ACTN2: variants seen among roughly 807,000 people sequenced by gnomAD.
ACTN2 encodes the protein actinin alpha 2, also known as alpha-actinin-2.
A neutral mutation model predicts 113.8 loss-of-function variants in ACTN2; 39 were observed. The observed-to-expected ratio is 0.34, with a 90% CI of 0.27 to 0.45. ACTN2 has a LOEUF of 0.45. Among genes scored for constraint, ACTN2 ranks in the 20% least tolerant of loss-of-function variants. ACTN2 has a pLI of 1.00. For synonymous variants in ACTN2, 429 were observed against 444.1 expected, an observed-to-expected ratio of 0.97 and a Z score of 0.43; for missense variants, 992 against 1,177.9, an observed-to-expected ratio of 0.84 and a Z score of 2.31.
At chr1:236,687,209 T>C (rs542910209) in intron 1 of ACTN2, among the ~76,000 whole-genome samples, 1 of 152,290 alleles carries the variant, frequency 6.6e-6, no homozygotes, top group South Asian at 2.1e-4. Context: ...GAACATCAGC[T>C]TCATTGCAAT....
At chr1:236,690,918 C>T (rs997186762) in intron 1 of ACTN2, among the ~76,000 whole-genome samples, 4 of 151,072 alleles carry the variant, frequency 2.6e-5, no homozygotes, top group African/African-American at 9.7e-5. Context: ...CTTCCCATTC[C>T]CCCCTCCTCG....
chr1:236,762,478 G>T lies in ACTN2; in HGVS notation c.2544G>T (p.Glu848Asp). 1 of 1,614,174 alleles carries T rather than the reference G, an allele frequency of 6.2e-7. No homozygotes were observed. Reference protein sequence around the residue: ...LASDKPYILAEELRRELPPDQ... With the variant: ...LASDKPYILADELRRELPPDQ... ...TTTCCCAGCCATACATCCTGGCGGA[G>T]GAGCTGCGTCGGGAGCTGCCCCCGG... Residue 848 changes from glutamate (E) to aspartate (D), a missense_variant, in exon 21 of 21, where the codon GAG (glutamate) becomes GAT (aspartate). Coordinates refer to ENST00000366578, the MANE Select transcript of ACTN2 (RefSeq NM_001103.4).
intron 10 of ACTN2, among the ~76,000 whole-genome samples, chr1:236,740,883 T>G (rs546529984): frequency 5.3e-5 from 8 of 152,184 alleles, no homozygotes; most frequent in African/African-American, 1.9e-4. Flanking sequence ...ACTTTGGCCC[T>G]CCTGTTTCTT....
chr1:236,725,635 T>TA (rs1553300917), intron 4 of ACTN2, among the ~76,000 whole-genome samples: 1 of 15,624 alleles, frequency 6.4e-5, no homozygotes, highest in Admixed American at 3.6e-4. Flanking sequence ...TCAAAAAAAA[T>TA]TAAAAAAAGT....
chr1:236,717,735 G>C, intron 1 of ACTN2, 123 bp from the exon 2 acceptor site: 1 of 733,602 alleles, frequency 1.4e-6, no homozygotes, highest in East Asian at 2.7e-5. Context: ...GCATCCTCTA[G>C]AAGCCCAAGC....
At chr1:236,719,203 C>G (rs1572113753) in intron 3 of ACTN2, among the ~76,000 whole-genome samples, 190 bp downstream of exon 3, 1 of 152,318 alleles carries the variant, frequency 6.6e-6, no homozygotes, top group South Asian at 2.1e-4. Flanking sequence ...AGACCAAGCT[C>G]TAGGTTCTTT....
At chr1:236,688,559 C>A (rs1476379842) in intron 1 of ACTN2, among the ~76,000 whole-genome samples, 6 of 152,156 alleles carry the variant, frequency 3.9e-5, no homozygotes, top group African/African-American at 1.4e-4. Context: ...AATTGCATAG[C>A]ACTTGAAGTA....
chr1:236,718,870 C>T, intron 2 of ACTN2, 24 bp from the exon 3 acceptor site: 1 of 1,614,174 alleles, frequency 6.2e-7, no homozygotes, highest in South Asian at 1.1e-5. Flanking sequence ...TCTATGTCTG[C>T]ATGATTCTCT....
chr1:236,710,922 C>T (rs1395935617), intron 1 of ACTN2, among the ~76,000 whole-genome samples: 1 of 152,058 alleles, frequency 6.6e-6, no homozygotes, highest in Non-Finnish European at 1.5e-5. Flanking sequence ...AAATTGTCTT[C>T]CACGAAACCG....
At chr1:236,687,266 T>C (rs1484020836) in intron 1 of ACTN2, among the ~76,000 whole-genome samples, 1 of 152,178 alleles carries the variant, frequency 6.6e-6, no homozygotes, top group Non-Finnish European at 1.5e-5. Flanking sequence ...TTATTCAATC[T>C]TTTGGGTTCC....
chr1:236,741,737 G>GT (rs928090966), intron 10 of ACTN2, among the ~76,000 whole-genome samples: 16 of 152,264 alleles, frequency 1.1e-4, no homozygotes, highest in African/African-American at 3.9e-4. Context: ...CTGCTGACCG[G>GT]TTCTTCTTTT....
intron 1 of ACTN2, among the ~76,000 whole-genome samples, chr1:236,700,228 A>G (rs189243046): frequency 1.6e-4 from 24 of 152,072 alleles, no homozygotes; most frequent in East Asian, 1.5e-3. Context: ...TATAGCCCAG[A>G]CTGGAGTGCA....
chr1:236,701,904 G>A (rs191507370), intron 1 of ACTN2, among the ~76,000 whole-genome samples: 1 of 152,286 alleles, frequency 6.6e-6, no homozygotes, highest in East Asian at 1.9e-4. Context: ...CACAGGTAGG[G>A]CTGTCACCAT....
rs1659751209 is a variant in ACTN2, at chr1:236,762,800, A to G, written c.*181A>G. 2.7e-6 allele frequency: 2 copies of G among 739,502 alleles called. No individual in the cohort carries two copies. Among genetic ancestry groups the G allele is most frequent in the South Asian group, 1.6e-5 (1 of 61,644 alleles). The allele number at this position is 739,502 out of a possible 1,614,324, so 45.8% of individuals were successfully genotyped here. On this transcript the variant is annotated 3_prime_UTR_variant, in exon 21 of 21. Transcript: ENST00000366578. ...ACGGCTAAAATGAAGTTTTTACAGT[A>G]TATGACATAGTGCGCTTCATAAATA...
At chr1:236,740,131 G>A (rs1261309835) in intron 10 of ACTN2, among the ~76,000 whole-genome samples, 1 of 146,454 alleles carries the variant, frequency 6.8e-6, no homozygotes. Context: ...TTTTTTTTTT[G>A]GAGACGGAGT....
intron 5 of ACTN2, among the ~76,000 whole-genome samples, chr1:236,726,391 C>T (rs1043445744): frequency 6.6e-6 from 1 of 152,170 alleles, no homozygotes; most frequent in Non-Finnish European, 1.5e-5. Flanking sequence ...GCGTACCCCC[C>T]ACTAGCGACT....
chr1:236,713,547 C>G lies in ACTN2; in HGVS notation c.127-4311C>G, dbSNP rs535523520. On this transcript the variant is annotated intron_variant, in intron 1 of 20. Coordinates refer to ENST00000366578, the MANE Select transcript of ACTN2 (RefSeq NM_001103.4). ...AAGCAAAGTATAGAACAATGTATAT[C>G]CTATGATTTGTGTTAAAGGGACCAA... Among the ~76,000 whole-genome samples the G allele has an allele frequency of 1.6e-3, 239 of 151,128 alleles. 1 individual carries two copies. Among genetic ancestry groups the G allele is most frequent in the Non-Finnish European group, 2.6e-3 (177 of 67,966 alleles).
At chr1:236,734,603 C>G in intron 7 of ACTN2, 4 of 1,003,214 alleles carry the variant, frequency 4.0e-6, no homozygotes, top group Admixed American at 4.7e-5. Flanking sequence ...TTTTTTCCCC[C>G]CTCTCCTCCG....
intron 1 of ACTN2, among the ~76,000 whole-genome samples, chr1:236,693,258 C>G (rs1335768111): frequency 1.3e-5 from 2 of 152,006 alleles, no homozygotes; most frequent in East Asian, 3.9e-4. Context: ...TTACCTGCAA[C>G]CCTGGTGAGG....
Sources: allele counts gnomAD v4.1 joint callset (sites outside exome capture counted in the v4.1 genomes callset), GRCh38; gene constraint gnomAD v4.1.1; transcripts MANE v1.5; gene names NCBI Gene and HGNC (gene_info 2026-07-23, HGNC 2026-07-21).